The following FREM1 variants were observed in gnomAD, a reference collection of about 807,000 sequenced individuals.
FREM1 encodes FRAS1 related extracellular matrix 1, also known as FRAS1-related extracellular matrix protein 1.
A neutral mutation model predicts 210.1 loss-of-function variants in FREM1; 220 were observed. The ratio of observed to expected loss-of-function variants is 1.05; its 90% confidence interval spans 0.94 to 1.17. FREM1 has a LOEUF of 1.17. Among genes scored for constraint, FREM1 ranks in the 50% most tolerant of loss-of-function variants. The pLI, the probability that FREM1 is intolerant of heterozygous loss-of-function variation, is 0.00. For missense variants in FREM1, 3,454 were observed against 2,675.5 expected, an observed-to-expected ratio of 1.29 and a Z score of -6.42; for synonymous variants, 1,189 against 980.2, an observed-to-expected ratio of 1.21 and a Z score of -3.98.
intron 13 of FREM1, among the ~76,000 whole-genome samples, chr9:14,821,199 T>G (rs1444734407): frequency 6.6e-6 from 1 of 152,112 alleles, no homozygotes; most frequent in East Asian, 1.9e-4. Context: ...CTGTGGTGGG[T>G]CTCACTGAAG....
chr9:14,743,032 G>C (rs2131920387), intron 35 of FREM1, among the ~76,000 whole-genome samples: 1 of 152,078 alleles, frequency 6.6e-6, no homozygotes. Context: ...GTGATGGAAG[G>C]ATCCAATAAG....
intron 6 of FREM1, among the ~76,000 whole-genome samples, chr9:14,850,258 T>C (rs16932354): frequency 0.14 from 21,439 of 152,066 alleles, 2,214 homozygotes; most frequent in East Asian, 0.57. Context: ...AAAAGGAAAT[T>C]AGATAGAAGT....
In FREM1 at chr9:14,842,598, CATG is replaced by C; in HGVS notation, c.1453_1455del (p.His485del). 1 of 1,613,952 alleles carries C rather than the reference CATG, an allele frequency of 6.2e-7. No individual in the cohort carries two copies. The highest frequency in any genetic ancestry group is 8.5e-7 in the Non-Finnish European group (1 of 1,179,880). On this transcript the variant is annotated inframe_deletion, in exon 9 of 37. Coordinates refer to ENST00000380880, the MANE Select transcript of FREM1 (RefSeq NM_001379081.2). ...AAGTCTTTGGTGGAGTCGCTGTCAT[CATG>C]ATGATAGCGAACAACTCCAGCCTGG...
Position 14,848,686 on chromosome 9 carries a change from G to C in FREM1, c.1240C>G (p.Pro414Ala). The C allele has an allele frequency of 3.7e-6, 6 of 1,607,236 alleles. No homozygotes were observed. The highest frequency in any genetic ancestry group is 5.1e-6 in the Non-Finnish European group (6 of 1,174,186). The change falls in exon 7 of 37, where the codon CCC (proline) becomes GCC (alanine). Residue 414 changes from proline to alanine, a missense_variant. Pro to Ala is a conservative substitution (Grantham distance 27). Coordinates refer to ENST00000380880, the MANE Select transcript of FREM1 (RefSeq NM_001379081.2). ...TTACCTGTATTCCAGGATACACGGG[G>C]GGCATTTGTATCTGCTGTTCTGATG... The part of the protein sequence containing the change: ...ISIRTADTNA[P>A]RVSWNTGLSL...
At chr9:14,779,940 C>A (rs545148094) in intron 24 of FREM1, among the ~76,000 whole-genome samples, 1 of 152,226 alleles carries the variant, frequency 6.6e-6, no homozygotes, top group East Asian at 1.9e-4. Context: ...AGAGAGACAT[C>A]ATCAGAGAGA....
intron 27 of FREM1, among the ~76,000 whole-genome samples, chr9:14,769,468 T>A (rs1847124657): frequency 6.6e-6 from 1 of 152,204 alleles, no homozygotes; most frequent in South Asian, 2.1e-4. Context: ...TATAAAAGTG[T>A]GTACCTTGAC....
At chr9:14,795,569 G>A (rs1031658346) in intron 21 of FREM1, among the ~76,000 whole-genome samples, 5 of 152,170 alleles carry the variant, frequency 3.3e-5, no homozygotes, top group African/African-American at 2.4e-5. Context: ...AAGGAAAGAG[G>A]AAGCACAGAA....
At chr9:14,891,384 G>A (rs771470576) in intron 1 of FREM1, among the ~76,000 whole-genome samples, 1 of 152,230 alleles carries the variant, frequency 6.6e-6, no homozygotes, top group African/African-American at 2.4e-5. Flanking sequence ...CTTGCCCTTA[G>A]AGAGTGTACA....
chr9:14,756,503 A>C, intron 28 of FREM1, 57 bp from the exon 29 acceptor site: 1 of 1,231,784 alleles, frequency 8.1e-7, no homozygotes, highest in Non-Finnish European at 1.2e-6. Context: ...ACAATAGAGA[A>C]ACAGCTATTC....
chr9:14,881,494 G>A (rs761309789), intron 1 of FREM1, among the ~76,000 whole-genome samples: 33 of 152,150 alleles, frequency 2.2e-4, no homozygotes, highest in Non-Finnish European at 2.5e-4. Context: ...ACTTAAGAAA[G>A]GCAATGTGGA....
chr9:14,740,160 G>C lies in FREM1; in HGVS notation c.6329C>G (p.Ser2110Cys). The C allele has an allele frequency of 1.9e-6, 3 of 1,611,622 alleles. No homozygotes were observed. The East Asian group carries it at 6.7e-5, about 36-fold the overall frequency. ...RWLWDIGGRK[S>C]FWIGLNDQVH... ...TCCCAGATACTTGCCTATCCAAAAG[G>C]ACTTTCTCCCACCAATGTCCCAGAG... Residue 2110 changes from serine (S) to cysteine (C), a missense_variant, in exon 36 of 37, where the codon TCC becomes TGC. Coordinates refer to ENST00000380880, the MANE Select transcript of FREM1 (RefSeq NM_001379081.2).
chr9:14,806,448 T>C (rs1175620355), intron 18 of FREM1, among the ~76,000 whole-genome samples: 1 of 152,014 alleles, frequency 6.6e-6, no homozygotes, highest in Non-Finnish European at 1.5e-5. Context: ...AGAGAGGGGT[T>C]TCACCACATT....
intron 16 of FREM1, among the ~76,000 whole-genome samples, chr9:14,810,393 G>C (rs1163714251): frequency 6.6e-6 from 1 of 152,130 alleles, no homozygotes; most frequent in Non-Finnish European, 1.5e-5. Context: ...TCTTTACCTT[G>C]AAATGGAATA....
chr9:14,805,447 G>A (rs1818187060), intron 18 of FREM1, among the ~76,000 whole-genome samples: 1 of 152,156 alleles, frequency 6.6e-6, no homozygotes, highest in African/African-American at 2.4e-5. Flanking sequence ...AATAAATGTC[G>A]GAGACCTTCC....
In FREM1 at chr9:14,842,374, A is replaced by G. The variant is rs1392461461; in HGVS notation, c.1680T>C (p.Asn560=). The change falls in exon 9 of 37, where the codon AAT becomes AAC. Residue 560 remains asparagine (N), a synonymous_variant. Coordinates refer to ENST00000380880, the MANE Select transcript of FREM1 (RefSeq NM_001379081.2). ...VDASDDYIFF[N]ITKPPQAGEI... Reference sequence around the variant, plus strand: ...CCCCAGCCTGTGGAGGCTTTGTGATATTGAAGAAGATGTAGTCATCACTGG... The same window carrying G: ...CCCCAGCCTGTGGAGGCTTTGTGATGTTGAAGAAGATGTAGTCATCACTGG... The G allele has an allele frequency of 3.1e-6, 5 of 1,610,688 alleles. No homozygotes were observed. In the African/African-American group the frequency reaches 5.3e-5, roughly 17 times the overall value.
intron 1 of FREM1, among the ~76,000 whole-genome samples, chr9:14,888,157 T>C (rs1183287011): frequency 6.6e-6 from 1 of 152,198 alleles, no homozygotes; most frequent in African/African-American, 2.4e-5. Context: ...ACTTTACATA[T>C]ATTATATTGT....
At chr9:14,791,651 A>T (rs1336784005) in intron 22 of FREM1, among the ~76,000 whole-genome samples, 1 of 152,200 alleles carries the variant, frequency 6.6e-6, no homozygotes, top group Non-Finnish European at 1.5e-5. Context: ...CATGTCAGAT[A>T]GAATACAGAA....
intron 32 of FREM1, 51 bp from the exon 33 acceptor site, chr9:14,747,479 T>G: frequency 6.5e-7 from 1 of 1,544,356 alleles, no homozygotes; most frequent in East Asian, 2.3e-5. Flanking sequence ...AACATCAAGA[T>G]AGCAAACAAA....
rs771013392 is a variant in FREM1, at chr9:14,859,244, G to A, written c.570C>T (p.Leu190=). ...GAGGTTCTTCTGGTCGAGGCTCCCCGAGAACCATCTGGCCATGGGCTGGCA... is the reference window on the plus strand; with the variant it reads ...GAGGTTCTTCTGGTCGAGGCTCCCCAAGAACCATCTGGCCATGGGCTGGCA... ...TRLPAHGQMV[L]GEPRPEEPRG... is the part of the protein sequence containing the mutation. The change falls in exon 4 of 37, where the codon CTC becomes CTT. Residue 190 remains leucine, a synonymous_variant. Coordinates refer to ENST00000380880, the MANE Select transcript of FREM1 (RefSeq NM_001379081.2). 4.6e-5 allele frequency: 74 copies of A among 1,612,278 alleles called. No individual in the cohort carries two copies. In the Middle Eastern group the frequency reaches 6.6e-4, roughly 14 times the overall value.
Sources: gnomAD v4.1 joint callset for allele counts (sites outside exome capture counted in the v4.1 genomes callset) on GRCh38, gnomAD v4.1.1 for gene constraint, MANE v1.5 for transcripts, NCBI Gene and HGNC (gene_info 2026-07-23, HGNC 2026-07-21) for gene names.